The following CACNA2D1 variants were observed in gnomAD, a reference collection of about 807,000 sequenced individuals.
The protein encoded by CACNA2D1 is calcium voltage-gated channel auxiliary subunit alpha2delta 1, also known as voltage-dependent calcium channel subunit alpha-2/delta-1.
A neutral mutation model predicts 171.5 loss-of-function variants in CACNA2D1; 53 were observed. The observed-to-expected ratio is 0.31, with a 90% CI of 0.25 to 0.39. The LOEUF is 0.39. Among genes scored for constraint, CACNA2D1 ranks in the 10% least tolerant of loss-of-function variants. The pLI is 1.00. For synonymous variants in CACNA2D1, 442 were observed against 443.1 expected (o/e 1.00, Z 0.03); for missense variants, 903 against 1,299.8 (o/e 0.69, Z 4.69).
intron 10 of CACNA2D1, among the ~76,000 whole-genome samples, chr7:82,047,848 G>A (rs1020811813): frequency 6.6e-6 from 1 of 152,070 alleles, no homozygotes; most frequent in African/African-American, 2.4e-5. Flanking sequence ...TTAAATAAAC[G>A]AAGTGGTTGA....
In CACNA2D1 at chr7:82,167,611, T is replaced by C. The variant is rs189346488; in HGVS notation, c.354+2939A>G. Among the ~76,000 whole-genome samples the C allele has an allele frequency of 1.1e-4, 17 of 152,230 alleles. No individual in the cohort carries two copies. In the East Asian group the frequency reaches 2.5e-3, roughly 23 times the overall value. ...AAGGGAAGGGCTATCATAAAGACTATGTATGGCTGCCAAGGTTAGATATGG... is the reference window on the plus strand; with the variant it reads ...AAGGGAAGGGCTATCATAAAGACTACGTATGGCTGCCAAGGTTAGATATGG... On this transcript the variant is annotated intron_variant, in intron 4 of 38. Transcript: ENST00000356860.
At chr7:82,040,865 C>T (rs1803875427) in intron 10 of CACNA2D1, among the ~76,000 whole-genome samples, 1 of 152,034 alleles carries the variant, frequency 6.6e-6, no homozygotes, top group African/African-American at 2.4e-5. Context: ...ATGCCAGCTA[C>T]TCATGAGGCT....
At chr7:82,185,975 G>A (rs1797693649) in intron 3 of CACNA2D1, among the ~76,000 whole-genome samples, 1 of 151,732 alleles carries the variant, frequency 6.6e-6, no homozygotes. Flanking sequence ...TGACCAACAT[G>A]GTAAAACCCC....
rs374282286 is a variant in CACNA2D1, at chr7:81,983,871, C to T, written c.1874-537G>A. On this transcript the variant is annotated intron_variant, in intron 22 of 38. Coordinates refer to ENST00000356860, the MANE Select transcript of CACNA2D1 (RefSeq NM_000722.4). ...TTTAAGATCAGATGTAAAATATATA[C>T]GTATATTTTTGGTATTCTTTTGTAT... 4.6e-5 allele frequency among the ~76,000 whole-genome samples: 7 copies of T among 152,190 alleles called. No individual in the cohort carries two copies. The South Asian group carries it at 1.2e-3, about 27-fold the overall frequency.
chr7:82,021,805 C>A (rs1223251963), intron 12 of CACNA2D1, among the ~76,000 whole-genome samples: 1 of 151,892 alleles, frequency 6.6e-6, no homozygotes, highest in Non-Finnish European at 1.5e-5. Context: ...GGGAAAGAGA[C>A]AACTGTAGAA....
At chr7:82,365,241 C>T (rs1821550409) in intron 1 of CACNA2D1, among the ~76,000 whole-genome samples, 1 of 152,070 alleles carries the variant, frequency 6.6e-6, no homozygotes, top group Non-Finnish European at 1.5e-5. Flanking sequence ...AAAAAATTGG[C>T]CTTCCACCAA....
chr7:82,341,262 G>T (rs984307611), intron 2 of CACNA2D1, among the ~76,000 whole-genome samples: 8 of 152,026 alleles, frequency 5.3e-5, no homozygotes, highest in African/African-American at 1.9e-4. Context: ...ATATCATTAA[G>T]TCTCTTTTTT....
intron 29 of CACNA2D1, 35 bp from the exon 30 acceptor site, chr7:81,967,698 A>G (rs1794855907): frequency 1.1e-6 from 1 of 920,954 alleles, no homozygotes; most frequent in Non-Finnish European, 1.8e-6. Flanking sequence ...CAAAGGTATA[A>G]TTAGATGTAA....
At chr7:82,166,681 T>TC (rs1045657484) in intron 4 of CACNA2D1, among the ~76,000 whole-genome samples, 3 of 152,004 alleles carry the variant, frequency 2.0e-5, no homozygotes, top group Non-Finnish European at 4.4e-5. Flanking sequence ...TTGTCCATCA[T>TC]AAGTGACATG....
At chr7:82,086,260 TTA>T (rs1810477049) in intron 6 of CACNA2D1, among the ~76,000 whole-genome samples, 1 of 152,192 alleles carries the variant, frequency 6.6e-6, no homozygotes, top group Non-Finnish European at 1.5e-5. Context: ...GCCTATGTGT[TTA>T]TATTTTAAAG....
In CACNA2D1 at chr7:82,350,796, A is replaced by G. The variant is rs558550840; in HGVS notation, c.96-1147T>C. Among the ~76,000 whole-genome samples, 6 of 152,346 alleles carry G rather than the reference A, an allele frequency of 3.9e-5. No individual in the cohort carries two copies. The East Asian group carries it at 7.7e-4, about 20-fold the overall frequency. On this transcript the variant is annotated intron_variant, in intron 1 of 38. Transcript: ENST00000356860. The stretch of plus-strand genomic sequence containing the variant: ...ATTACTAGATCCAAATAATTACTGG[A>G]ATTACTGGATCCAAATTTTAAAGCA...
chr7:82,238,468 T>G (rs1295857840), intron 3 of CACNA2D1, among the ~76,000 whole-genome samples: 1 of 151,494 alleles, frequency 6.6e-6, no homozygotes, highest in African/African-American at 2.4e-5. Context: ...CGGCCAACAA[T>G]CATATGAAAA....
intron 12 of CACNA2D1, among the ~76,000 whole-genome samples, chr7:82,030,551 G>C (rs1802555755): frequency 6.6e-6 from 1 of 151,640 alleles, no homozygotes; most frequent in African/African-American, 2.4e-5. Context: ...TTTGAACACA[G>C]AATGTAAAAT....
chr7:82,057,827 A>G (rs1213677797), intron 10 of CACNA2D1, among the ~76,000 whole-genome samples: 3 of 152,264 alleles, frequency 2.0e-5, no homozygotes, highest in African/African-American at 4.8e-5. Flanking sequence ...CCAAGGCTGC[A>G]GGGAAATTAG....
At chr7:82,022,844 G>A (rs1284440518) in intron 12 of CACNA2D1, among the ~76,000 whole-genome samples, 1 of 151,796 alleles carries the variant, frequency 6.6e-6, no homozygotes, top group Non-Finnish European at 1.5e-5. Context: ...AACTTTAGAT[G>A]TGCATTCTTT....
chr7:82,087,354 G>C (rs1810594045), intron 6 of CACNA2D1, among the ~76,000 whole-genome samples: 1 of 152,044 alleles, frequency 6.6e-6, no homozygotes, highest in Non-Finnish European at 1.5e-5. Context: ...AGTTTGACTG[G>C]ATCTACCTAA....
chr7:81,970,658 A>G lies in CACNA2D1; in HGVS notation c.2204+17T>C. 1 of 1,411,960 alleles carries G rather than the reference A, an allele frequency of 7.1e-7. No individual in the cohort carries two copies. The highest frequency in any genetic ancestry group is 1.1e-5 in the South Asian group (1 of 87,112). The allele number at this position is 1,411,960 out of a possible 1,614,324, so 87.5% of individuals were successfully genotyped here. Reference sequence around the variant, plus strand: ...TTTTGTAATGTACTTGTTTTTACAGATGTTATTTGAACTTACTCTTTGGGA... The same window carrying G: ...TTTTGTAATGTACTTGTTTTTACAGGTGTTATTTGAACTTACTCTTTGGGA... On this transcript the variant is annotated intron_variant, in intron 27 of 38. Transcript: ENST00000356860.
At chr7:82,233,059 A>T (rs1803146896) in intron 3 of CACNA2D1, among the ~76,000 whole-genome samples, 1 of 152,016 alleles carries the variant, frequency 6.6e-6, no homozygotes, top group Admixed American at 6.6e-5. Context: ...ATTTCTTATA[A>T]CGGGGAAGTA....
At chr7:82,440,081 G>C (rs1455537097) in intron 1 of CACNA2D1, among the ~76,000 whole-genome samples, 4 of 151,720 alleles carry the variant, frequency 2.6e-5, no homozygotes, top group African/African-American at 7.2e-5. Context: ...AAAGCCAAAA[G>C]TACTATACTT....
Sources: gnomAD v4.1 joint callset for allele counts (sites outside exome capture counted in the v4.1 genomes callset) on GRCh38, gnomAD v4.1.1 for gene constraint, MANE v1.5 for transcripts, NCBI Gene and HGNC (gene_info 2026-07-23, HGNC 2026-07-21) for gene names.